Variants in ISM1 observed in about 807,000 individuals in gnomAD.
ISM1 encodes the protein isthmin 1, also known as isthmin-1.
ISM1 carries 25 observed loss-of-function variants against 46.3 expected under a neutral mutation model. The observed-to-expected ratio is 0.54, with a 90% CI of 0.39 to 0.75. The LOEUF (loss-of-function observed/expected upper bound fraction) is 0.75. Ranked by LOEUF, ISM1 falls within the 30% of genes least tolerant of loss-of-function variation. The pLI is 0.00. For missense variants in ISM1, 536 were observed against 625.4 expected (o/e 0.86, Z 1.52); for synonymous variants, 255 against 256.7 (o/e 0.99, Z 0.06).
At chr20:13,312,586 C>T in the ISM1 span, among the ~76,000 whole-genome samples, 3 of 152,140 alleles carry the variant, frequency 2.0e-5, no homozygotes, top group African/African-American at 7.2e-5. Context: ...CCTAATGAGT[C>T]GCAGCCTGCT....
downstream of ISM1, among the ~76,000 whole-genome samples, chr20:13,300,948 A>G (rs2040452766): frequency 6.6e-6 from 1 of 152,226 alleles, no homozygotes; most frequent in African/African-American, 2.4e-5. Flanking sequence ...TCCACAGAAA[A>G]TTCTGCAATT....
At chr20:13,283,487 A>T (rs978998492) in intron 3 of ISM1, among the ~76,000 whole-genome samples, 10 of 152,228 alleles carry the variant, frequency 6.6e-5, no homozygotes, top group Non-Finnish European at 1.5e-4. Flanking sequence ...TAAAAATCCT[A>T]GGTGAAATAC....
chr20:13,244,102 A>G (rs80236878), intron 1 of ISM1: 10,454 of 152,296 alleles, frequency 0.069, 475 homozygotes, highest in Middle Eastern at 0.14. Flanking sequence ...AGACAAATCC[A>G]AACAAGGTAC....
At chr20:13,231,286 C>T (rs2039584943) in intron 1 of ISM1, among the ~76,000 whole-genome samples, 1 of 152,210 alleles carries the variant, frequency 6.6e-6, no homozygotes, top group Non-Finnish European at 1.5e-5. Context: ...GAGAGATGTG[C>T]TGCAGGCAGC....
chr20:13,236,964 G>A (rs369726308), intron 1 of ISM1, among the ~76,000 whole-genome samples: 15 of 152,256 alleles, frequency 9.9e-5, no homozygotes, highest in Admixed American at 9.8e-4. Flanking sequence ...GCAAGCTGTC[G>A]GTAGATCTAC....
At chr20:13,324,802 A>G in the ISM1 span, among the ~76,000 whole-genome samples, 4 of 152,218 alleles carry the variant, frequency 2.6e-5, no homozygotes, top group Admixed American at 2.6e-4. Context: ...GATATTACAT[A>G]CATTTGAAGC....
chr20:13,288,547 A>G lies in ISM1; in HGVS notation c.651A>G (p.Thr217=), dbSNP rs1480955632. 1.9e-6 allele frequency: 3 copies of G among 1,613,736 alleles called. No homozygotes were observed. Among genetic ancestry groups the G allele is most frequent in the Non-Finnish European group, 2.5e-6 (3 of 1,179,730 alleles). The change falls in exon 4 of 6, where the codon ACA becomes ACG. Residue 217 remains threonine, a synonymous_variant. Coordinates refer to ENST00000262487, the MANE Select transcript of ISM1 (RefSeq NM_080826.2). ...TCCCTGGCTGTCTTCCAGATTCCAC[A>G]GATGGCGAGGGTGACTGGAGTCTCT... ...ETKDQPEYDS[T]DGEGDWSLWS... is the part of the protein sequence containing the mutation.
intron 2 of ISM1, among the ~76,000 whole-genome samples, chr20:13,277,643 CT>C (rs33968434): frequency 0.31 from 45,138 of 145,376 alleles, 9,068 homozygotes; most frequent in African/African-American, 0.58. Context: ...CCCCCCTACC[CT>C]TTTTTTTTTT....
intron 4 of ISM1, among the ~76,000 whole-genome samples, chr20:13,291,326 T>C (rs2040350812): frequency 6.6e-6 from 1 of 152,180 alleles, no homozygotes; most frequent in Non-Finnish European, 1.5e-5. Context: ...ATCTCTTTAC[T>C]TGTTTGATTC....
At chr20:13,253,862 CATAT>C (rs546741165) in intron 1 of ISM1, among the ~76,000 whole-genome samples, 1 of 140,232 alleles carries the variant, frequency 7.1e-6, no homozygotes, top group African/African-American at 2.7e-5. Flanking sequence ...CATCCATATC[CATAT>C]ATATATATAT....
At chr20:13,241,853 C>A (rs1360502941) in intron 1 of ISM1, among the ~76,000 whole-genome samples, 2 of 152,044 alleles carry the variant, frequency 1.3e-5, no homozygotes, top group African/African-American at 4.8e-5. Flanking sequence ...TGGCTACTAA[C>A]CTACAGAAGT....
downstream of ISM1, among the ~76,000 whole-genome samples, chr20:13,303,567 A>T (rs912901134): frequency 6.6e-6 from 1 of 152,192 alleles, no homozygotes; most frequent in Non-Finnish European, 1.5e-5. Flanking sequence ...AGGTTCCAGC[A>T]CTGCACCTGG....
chr20:13,310,486 GAAA>G, the ISM1 span, among the ~76,000 whole-genome samples: 1 of 151,770 alleles, frequency 6.6e-6, no homozygotes, highest in East Asian at 1.9e-4. Context: ...AAGGAAACAG[GAAA>G]AAAAATGTAT....
At chr20:13,308,619 T>C in the ISM1 span, among the ~76,000 whole-genome samples, 5 of 152,166 alleles carry the variant, frequency 3.3e-5, no homozygotes, top group Non-Finnish European at 7.3e-5. Flanking sequence ...AAGTTCATAA[T>C]AGAGAATACA....
the ISM1 span, among the ~76,000 whole-genome samples, chr20:13,325,806 A>C: frequency 6.6e-6 from 1 of 152,326 alleles, no homozygotes; most frequent in South Asian, 2.1e-4. Context: ...AAAATTTTTC[A>C]AGTATAATAT....
At chr20:13,223,235 TC>T (rs1268904517) in intron 1 of ISM1, among the ~76,000 whole-genome samples, 3 of 151,952 alleles carry the variant, frequency 2.0e-5, no homozygotes, top group Non-Finnish European at 4.4e-5. Flanking sequence ...TATTCATTGT[TC>T]CCAAAGGCCT....
chr20:13,283,939 T>C (rs969928947), intron 3 of ISM1, among the ~76,000 whole-genome samples: 2 of 152,162 alleles, frequency 1.3e-5, no homozygotes, highest in African/African-American at 2.4e-5. Context: ...TGGGCCAGAA[T>C]CAAAACTGCT....
intron 1 of ISM1, among the ~76,000 whole-genome samples, chr20:13,259,618 G>A (rs1287968188): frequency 6.6e-6 from 1 of 152,184 alleles, no homozygotes; most frequent in Non-Finnish European, 1.5e-5. Context: ...AAGTAAGTGT[G>A]TAAACATAAA....
intron 1 of ISM1, among the ~76,000 whole-genome samples, chr20:13,230,860 A>G (rs141144805): frequency 2.6e-4 from 40 of 152,298 alleles, no homozygotes; most frequent in Admixed American, 8.5e-4. Flanking sequence ...CGTAAAACCT[A>G]ATTTCTTTCT....
Sources: gnomAD v4.1 joint callset for allele counts (sites outside exome capture counted in the v4.1 genomes callset) on GRCh38, gnomAD v4.1.1 for gene constraint, MANE v1.5 for transcripts, NCBI Gene and HGNC (gene_info 2026-07-23, HGNC 2026-07-21) for gene names.